The following SMARCA4 variants were observed in gnomAD, a reference collection of about 807,000 sequenced individuals.
SMARCA4 encodes SWI/SNF-related matrix-associated actin-dependent regulator of chromatin subfamily A member 4.
SMARCA4 carries 31 observed loss-of-function variants against 193.9 expected under a neutral mutation model. That is an observed-to-expected ratio of 0.16 (90% CI 0.12 to 0.22). SMARCA4 has a LOEUF of 0.22. Among genes scored for constraint, SMARCA4 ranks in the 10% least tolerant of loss-of-function variants. The probability of loss-of-function intolerance (pLI) is 1.00; values close to 1 mark genes in which losing one functional copy is unlikely to be tolerated. For missense variants in SMARCA4, 1,148 were observed against 2,296.0 expected, an observed-to-expected ratio of 0.50 and a Z score of 10.22; for synonymous variants, 942 against 933.1, an observed-to-expected ratio of 1.01 and a Z score of -0.17.
chr19:10,970,036 G>A (rs2145502950), intron 1 of SMARCA4, among the ~76,000 whole-genome samples: 1 of 152,272 alleles, frequency 6.6e-6, no homozygotes, highest in East Asian at 1.9e-4. Flanking sequence ...ACATGTCATA[G>A]GAGTGATAGG....
At chr19:10,998,223 GT>G in intron 11 of SMARCA4, among the ~76,000 whole-genome samples, 1 of 152,310 alleles carries the variant, frequency 6.6e-6, no homozygotes, top group South Asian at 2.1e-4. Context: ...CCGGACTTTG[GT>G]TTGTCTGATG....
Position 11,058,829 on chromosome 19 carries a change from A to G in SMARCA4, c.4575A>G (p.Leu1525=). The change falls in exon 32 of 35, where the codon CTA becomes CTG. Residue 1525 remains leucine (L), a synonymous_variant. Transcript: ENST00000344626. This position sits in a 1 kb window ranked among gnomAD's most constrained non-coding sequence, Gnocchi z 5.8. ...RNHKYRSLND[L]EKDVMLLCQN... The stretch of plus-strand genomic sequence containing the variant: ...ACAAGTACCGCAGCCTCAACGACCT[A>G]GAGAAGGACGTCATGCTCCTGTGCC... 1 of 1,614,142 alleles carries G rather than the reference A, an allele frequency of 6.2e-7. No individual in the cohort carries two copies. The highest frequency in any genetic ancestry group is 1.7e-5 in the Admixed American group (1 of 60,022).
chr19:10,966,883 G>C (rs1031278882), intron 1 of SMARCA4, among the ~76,000 whole-genome samples: 1 of 136,772 alleles, frequency 7.3e-6, no homozygotes, highest in Non-Finnish European at 1.6e-5. Flanking sequence ...GCAAGACTAC[G>C]TCTCTACAAA....
At chr19:10,962,317 C>G (rs2083875503) in intron 1 of SMARCA4, among the ~76,000 whole-genome samples, 1 of 152,010 alleles carries the variant, frequency 6.6e-6, no homozygotes, top group African/African-American at 2.4e-5. Flanking sequence ...CAGATAACTT[C>G]TTGAGGCCCT....
At chr19:11,028,259 G>A (rs2090402633) in intron 24 of SMARCA4, among the ~76,000 whole-genome samples, 1 of 152,230 alleles carries the variant, frequency 6.6e-6, no homozygotes, top group African/African-American at 2.4e-5. Context: ...TGTGGACACA[G>A]GAAAGAAAGC....
Position 10,989,889 on chromosome 19 carries a change from G to C in SMARCA4, c.1245+446G>C, listed in dbSNP as rs1273028766. On this transcript the variant is annotated intron_variant, in intron 7 of 34. Coordinates refer to ENST00000344626, the MANE Select transcript of SMARCA4 (RefSeq NM_003072.5). ...ATTTTTATATTTTTAGTAGAGACAGGGTTTCACCATATTGGCCAGGCTGGT... is the reference window on the plus strand; with the variant it reads ...ATTTTTATATTTTTAGTAGAGACAGCGTTTCACCATATTGGCCAGGCTGGT... Among the ~76,000 whole-genome samples, 3 of 151,876 alleles carry C rather than the reference G, an allele frequency of 2.0e-5. No homozygotes were observed. In the East Asian group the frequency reaches 5.8e-4, roughly 29 times the overall value.
chr19:11,035,064 G>A lies in SMARCA4; in HGVS notation c.4102G>A (p.Gly1368Ser), dbSNP rs1060502101. ...TGAGGAGGAGGAGGAGAAGATGTTC[G>A]GCCGTGGCTCCCGCCACCGCAAGGA... ...TCEEEEEKMF[G>S]RGSRHRKEVD... Residue 1368 changes from glycine (G) to serine (S), a missense_variant, in exon 29 of 35, where the codon GGC becomes AGC. This residue lies in a region of SMARCA4 where 84 missense variants were observed against 202.2 expected (regional missense o/e 0.42). Coordinates refer to ENST00000344626, the MANE Select transcript of SMARCA4 (RefSeq NM_003072.5). The A allele has an allele frequency of 6.2e-7, 1 of 1,613,088 alleles. No individual in the cohort carries two copies. The highest frequency in any genetic ancestry group is 8.5e-7 in the Non-Finnish European group (1 of 1,179,932).
At chr19:11,039,779 T>G in intron 29 of SMARCA4, 1 of 345,254 alleles carries the variant, frequency 2.9e-6, no homozygotes. Context: ...CAAGACCACA[T>G]GTCTAAGAAA....
At position 11,019,095 on chromosome 19, in the gene SMARCA4, A is replaced by G; in HGVS notation, c.2505+72A>G. 8.9e-7 allele frequency: 1 copy of G among 1,127,204 alleles called. No homozygotes were observed. Among genetic ancestry groups the G allele is most frequent in the South Asian group, 1.2e-5 (1 of 81,436 alleles). The allele number at this position is 1,127,204 out of a possible 1,614,324, so 69.8% of individuals were successfully genotyped here. A position where few individuals can be genotyped will look rare whatever the true frequency, so the allele number is the denominator to read the frequency against. ...GCGGTGGTGGGCAGGACGTCCACACATACCTCTGGACAGTGAACCTGAGAA... is the reference window on the plus strand; with the variant it reads ...GCGGTGGTGGGCAGGACGTCCACACGTACCTCTGGACAGTGAACCTGAGAA... On this transcript the variant is annotated intron_variant, in intron 17 of 34. Coordinates refer to ENST00000344626, the MANE Select transcript of SMARCA4 (RefSeq NM_003072.5). The surrounding 1 kb of genome is among the most constrained non-coding windows in gnomAD (Gnocchi z 6.1).
intron 1 of SMARCA4, chr19:10,977,707 G>A (rs2145630012): frequency 6.6e-6 from 1 of 152,370 alleles, no homozygotes; most frequent in Middle Eastern, 3.4e-3. Context: ...CCTCATCTGT[G>A]TGATGCTCCT....
chr19:10,996,178 G>A (rs2145967053), intron 9 of SMARCA4, 35 bp from the exon 10 acceptor site: 1 of 1,611,574 alleles, frequency 6.2e-7, no homozygotes, highest in Non-Finnish European at 8.5e-7. Flanking sequence ...TGCACATTGT[G>A]CCACCACATT....
At position 11,025,478 on chromosome 19, in the gene SMARCA4, C is replaced by T. The variant is rs2146497872; in HGVS notation, c.3138C>T (p.Cys1046=). 1 of 1,613,308 alleles carries T rather than the reference C, an allele frequency of 6.2e-7. No homozygotes were observed. The highest frequency in any genetic ancestry group is 8.5e-7 in the Non-Finnish European group (1 of 1,179,916). ...MNTIMQLRKI[C]NHPYMFQHIE... ...CCATCATGCAGCTGCGGAAGATCTG[C>T]AACCACCCCTACATGTTCCAGCACA... The change falls in exon 22 of 35, where the codon TGC becomes TGT. Residue 1046 remains cysteine, a synonymous_variant. Transcript: ENST00000344626.
At chr19:10,996,761 A>G (rs867579191) in intron 11 of SMARCA4, among the ~76,000 whole-genome samples, 1 of 152,050 alleles carries the variant, frequency 6.6e-6, no homozygotes, top group Non-Finnish European at 1.5e-5. Flanking sequence ...CACAGGATTC[A>G]TCTTTCAGGT....
chr19:10,996,574 T>C (rs1414668769), intron 11 of SMARCA4, 30 bp downstream of exon 11: 1 of 1,606,532 alleles, frequency 6.2e-7, no homozygotes, highest in Non-Finnish European at 8.5e-7. Context: ...TGTGGAAGTA[T>C]CAAGCTAGCC....
rs144108046 is a variant in SMARCA4 at position 11,030,031 on chromosome 19, C to T, written c.3383-699C>T. 5.3e-5 allele frequency among the ~76,000 whole-genome samples: 8 copies of T among 152,248 alleles called. No homozygotes were observed. Among genetic ancestry groups the T allele is most frequent in the East Asian group, 3.9e-4 (2 of 5,180 alleles). On this transcript the variant is annotated intron_variant, in intron 24 of 34. Coordinates refer to ENST00000344626, the MANE Select transcript of SMARCA4 (RefSeq NM_003072.5). The surrounding 1 kb of genome is among the most constrained non-coding windows in gnomAD (Gnocchi z 5.5). ...TTCAGTGTTCAGGGGCACCTCTGTC[C>T]GAACTCCCAGCAGCGCAGGGAGTGT...
Position 11,034,796 on chromosome 19 carries a change from CA to C in SMARCA4, c.3952-117del. 1 of 742,286 alleles carries C rather than the reference CA, an allele frequency of 1.3e-6. No individual in the cohort carries two copies. The highest frequency in any genetic ancestry group is 2.4e-6 in the Non-Finnish European group (1 of 424,268). 46.0% of individuals were successfully genotyped at this position (742,286 alleles called of 1,614,324 possible). ...ATCGAGAGCTACTGTTTAACTCTCG[CA>C]GCAGCGTGGAGCCCCACGGGCAGAG... On this transcript the variant is annotated intron_variant, in intron 28 of 34. Transcript: ENST00000344626. The surrounding 1 kb of genome is among the most constrained non-coding windows in gnomAD (Gnocchi z 7.0).
Position 10,985,136 on chromosome 19 carries a change from G to T in SMARCA4, c.223-137G>T. 1 of 862,978 alleles carries T rather than the reference G, an allele frequency of 1.2e-6. No individual in the cohort carries two copies. The allele number at this position is 862,978 out of a possible 1,614,324, so 53.5% of individuals were successfully genotyped here. ...TGTCAGAACCTTGCCTTGGAGTCAT[G>T]CTGGGGACTGGGGAGATGCGCGTCA... On this transcript the variant is annotated intron_variant, in intron 2 of 34. Transcript: ENST00000344626. This position sits in a 1 kb window ranked among gnomAD's most constrained non-coding sequence, Gnocchi z 4.5.
chr19:11,033,244 T>G lies in SMARCA4; in HGVS notation c.3547-46T>G. On this transcript the variant is annotated intron_variant, in intron 25 of 34. Transcript: ENST00000344626. The surrounding 1 kb of genome is among the most constrained non-coding windows in gnomAD (Gnocchi z 9.8). ...GTGTCAGAGGCCACCTTCCCTTTTA[T>G]GACCTCCTGGGCTCCTTTGGGACTG... 3.4e-6 allele frequency: 5 copies of G among 1,475,662 alleles called. No individual in the cohort carries two copies. Among genetic ancestry groups the G allele is most frequent in the Non-Finnish European group, 4.7e-6 (5 of 1,055,612 alleles). The allele number at this position is 1,475,662 out of a possible 1,614,324, so 91.4% of individuals were successfully genotyped here. A position where few individuals can be genotyped will look rare whatever the true frequency, so the allele number is the denominator to read the frequency against.
intron 13 of SMARCA4, among the ~76,000 whole-genome samples, chr19:11,007,429 CAAAAAAAAAAAA>C (rs1188457080): frequency 8.9e-5 from 5 of 56,164 alleles, no homozygotes; most frequent in Non-Finnish European, 1.9e-4. Flanking sequence ...CACTTCGTCT[CAAAAAAAAAAAA>C]AAAAAAAAAA....
Sources: gnomAD v4.1 joint callset for allele counts (sites outside exome capture counted in the v4.1 genomes callset) on GRCh38, gnomAD v4.1.1 for gene constraint, gnomAD v4.1.1 regional missense constraint, Gnocchi (gnomAD v3.1) non-coding constraint, MANE v1.5 for transcripts, NCBI Gene and HGNC (gene_info 2026-07-23, HGNC 2026-07-21) for gene names.